The following VKORC1L1 variants were observed in gnomAD, a reference collection of about 807,000 sequenced individuals.
VKORC1L1 encodes the protein vitamin K epoxide reductase complex subunit 1-like protein 1.
VKORC1L1 carries 2 observed loss-of-function variants against 18.9 expected under a neutral mutation model. The observed-to-expected ratio is 0.11, with a 90% CI of 0.04 to 0.33. VKORC1L1 has a LOEUF of 0.33. VKORC1L1 is among the 10% of genes least tolerant of loss of function. The probability of loss-of-function intolerance (pLI) is 1.00; values close to 1 mark genes in which losing one functional copy is unlikely to be tolerated. For synonymous variants in VKORC1L1, 96 were observed against 100.0 expected, an observed-to-expected ratio of 0.96 and a Z score of 0.24; for missense variants, 123 against 224.1, an observed-to-expected ratio of 0.55 and a Z score of 2.88.
At chr7:65,925,909 A>G (rs1423495042) in intron 1 of VKORC1L1, among the ~76,000 whole-genome samples, 1 of 152,096 alleles carries the variant, frequency 6.6e-6, no homozygotes, top group Non-Finnish European at 1.5e-5. Context: ...CTTCATTCCA[A>G]TCTGTACCCT....
At chr7:65,893,236 T>C (rs1448146744) in intron 1 of VKORC1L1, among the ~76,000 whole-genome samples, 9 of 152,232 alleles carry the variant, frequency 5.9e-5, no homozygotes, top group Non-Finnish European at 1.0e-4. Context: ...AATGAATGAA[T>C]TGATATTTAA....
intron 1 of VKORC1L1, among the ~76,000 whole-genome samples, chr7:65,928,584 C>A (rs574181117): frequency 1.8e-4 from 28 of 152,116 alleles, no homozygotes; most frequent in Admixed American, 5.2e-4. Context: ...GAAACAATTC[C>A]TTTTTATTGC....
intron 1 of VKORC1L1, among the ~76,000 whole-genome samples, chr7:65,874,475 G>A (rs1196344184): frequency 1.6e-4 from 25 of 152,058 alleles, no homozygotes; most frequent in Admixed American, 1.4e-3. Flanking sequence ...TGGGAATCAA[G>A]CATGAGCCAC....
intron 1 of VKORC1L1, among the ~76,000 whole-genome samples, chr7:65,912,415 A>G (rs1789516737): frequency 6.6e-6 from 1 of 152,336 alleles, no homozygotes; most frequent in Middle Eastern, 3.4e-3. Flanking sequence ...CAGCTGATGC[A>G]TTTCAGTGCG....
chr7:65,885,954 A>G (rs1789004320), intron 1 of VKORC1L1, among the ~76,000 whole-genome samples: 1 of 152,212 alleles, frequency 6.6e-6, no homozygotes, highest in Non-Finnish European at 1.5e-5. Flanking sequence ...CGAATATGGG[A>G]AGGAGTCAGT....
chr7:65,954,029 C>T, intron 2 of VKORC1L1, 45 bp from the exon 3 acceptor site: 1 of 1,540,442 alleles, frequency 6.5e-7, no homozygotes, highest in Non-Finnish European at 8.8e-7. Context: ...GAAAGCCTCT[C>T]TCCAGCACCA....
At chr7:65,936,134 C>T (rs976657764) in intron 1 of VKORC1L1, among the ~76,000 whole-genome samples, 5 of 151,024 alleles carry the variant, frequency 3.3e-5, no homozygotes, top group Non-Finnish European at 5.9e-5. Context: ...TCTATAGTTT[C>T]CATTTTTTTT....
At chr7:65,877,415 T>C (rs1209588922) in intron 1 of VKORC1L1, among the ~76,000 whole-genome samples, 2 of 151,896 alleles carry the variant, frequency 1.3e-5, no homozygotes, top group African/African-American at 4.8e-5. Flanking sequence ...TGGCATGATC[T>C]CAGCTCACTG....
Position 65,942,332 on chromosome 7 carries a change from CA to C in VKORC1L1, c.195-6329del, listed in dbSNP as rs998859896. 5.6e-5 allele frequency among the ~76,000 whole-genome samples: 8 copies of C among 142,872 alleles called. No homozygotes were observed. In the East Asian group the frequency reaches 6.3e-4, roughly 11 times the overall value. The allele number at this position is 142,872 out of a possible 152,430, so 93.7% of individuals were successfully genotyped here. A position where few individuals can be genotyped will look rare whatever the true frequency, so the allele number is the denominator to read the frequency against. ...GAAACCCCATCTCTACTAAAAATGC[CA>C]AAAAAAAAACTAGCCTGACATGGTG... On this transcript the variant is annotated intron_variant, in intron 1 of 2. Transcript: ENST00000360768.
intron 1 of VKORC1L1, among the ~76,000 whole-genome samples, chr7:65,937,632 C>CA (rs904934658): frequency 6.6e-6 from 1 of 152,056 alleles, no homozygotes; most frequent in Non-Finnish European, 1.5e-5. Context: ...AGGCTGGTCT[C>CA]AGACTCCTGG....
intron 1 of VKORC1L1, among the ~76,000 whole-genome samples, chr7:65,913,476 C>A (rs1348512555): frequency 2.0e-5 from 3 of 151,812 alleles, no homozygotes; most frequent in Non-Finnish European, 4.4e-5. Flanking sequence ...ACCTGTAATC[C>A]ATACTTTGGG....
At chr7:65,948,323 C>T (rs572086882) in intron 1 of VKORC1L1, among the ~76,000 whole-genome samples, 77 of 149,794 alleles carry the variant, frequency 5.1e-4, no homozygotes, top group African/African-American at 1.8e-3. Flanking sequence ...CAGTGGACAA[C>T]TGTCTCCTTC....
At chr7:65,903,718 G>C (rs1345170355) in intron 1 of VKORC1L1, among the ~76,000 whole-genome samples, 2 of 149,732 alleles carry the variant, frequency 1.3e-5, no homozygotes, top group African/African-American at 4.9e-5. Flanking sequence ...GCTGCAGTGA[G>C]CTATAATTGA....
At chr7:65,935,109 A>T (rs1789920843) in intron 1 of VKORC1L1, among the ~76,000 whole-genome samples, 1 of 151,366 alleles carries the variant, frequency 6.6e-6, no homozygotes, top group South Asian at 2.1e-4. Flanking sequence ...CTGAAATTTC[A>T]TATTTCCCTC....
intron 1 of VKORC1L1, among the ~76,000 whole-genome samples, chr7:65,895,498 TATATATATATATATATATAC>T (rs1228893727): frequency 5.1e-5 from 5 of 97,268 alleles, no homozygotes; most frequent in Admixed American, 1.2e-4. Context: ...TATATATATA[TATATATATATATATATATAC>T]ACACACACAC....
At position 65,954,119 on chromosome 7, in the gene VKORC1L1, C is replaced by G; in HGVS notation, c.350C>G (p.Ser117Cys). Residue 117 changes from serine (S) to cysteine (C), a missense_variant, in exon 3 of 3, where the codon TCC becomes TGC. Ser to Cys is a moderately radical substitution (Grantham distance 112). Coordinates refer to ENST00000360768, the MANE Select transcript of VKORC1L1 (RefSeq NM_173517.6). ...AVAALILMTS[S>C]IMSVVGSLYL... ...GCGGCTTTGATCCTCATGACGTCCT[C>G]CATCATGTCGGTCGTGGGGTCCCTG... 1 of 1,608,992 alleles carries G rather than the reference C, an allele frequency of 6.2e-7. No homozygotes were observed. Among genetic ancestry groups the G allele is most frequent in the Non-Finnish European group, 8.5e-7 (1 of 1,175,592 alleles).
chr7:65,866,624 A>G, the VKORC1L1 span, among the ~76,000 whole-genome samples: 414 of 152,314 alleles, frequency 2.7e-3, 2 homozygotes, highest in African/African-American at 9.8e-3. Context: ...AAGATGAAAA[A>G]TTAGTCTGGG....
rs183761551 is a variant in VKORC1L1 at position 65,876,220 on chromosome 7, C to T, written c.194+2655C>T. Among the ~76,000 whole-genome samples the T allele has an allele frequency of 7.0e-3, 1,065 of 152,238 alleles. 15 individuals carry two copies. Among genetic ancestry groups the T allele is most frequent in the African/African-American group, 0.024 (998 of 41,542 alleles). ...CATTTAACAAAAGGATATTTCCATT[C>T]AAACAATTTGAAAGAACAGAATCTC... On this transcript the variant is annotated intron_variant, in intron 1 of 2. Coordinates refer to ENST00000360768, the MANE Select transcript of VKORC1L1 (RefSeq NM_173517.6).
At chr7:65,888,709 C>T (rs758423958) in intron 1 of VKORC1L1, among the ~76,000 whole-genome samples, 27 of 152,298 alleles carry the variant, frequency 1.8e-4, no homozygotes, top group Non-Finnish European at 3.4e-4. Context: ...AGTGAGCTTG[C>T]ATCTGTGTGC....
Sources: gnomAD v4.1 joint callset for allele counts (sites outside exome capture counted in the v4.1 genomes callset) on GRCh38, gnomAD v4.1.1 for gene constraint, MANE v1.5 for transcripts, NCBI Gene and HGNC (gene_info 2026-07-23, HGNC 2026-07-21) for gene names.